The following GRM8 variants were observed in gnomAD, a reference collection of about 807,000 sequenced individuals.
GRM8 encodes metabotropic glutamate receptor 8.
In GRM8, 47 loss-of-function variants were observed where a neutral mutation model predicts 87.2. The ratio of observed to expected loss-of-function variants is 0.54; its 90% CI spans 0.43 to 0.69. The LOEUF (loss-of-function observed/expected upper bound fraction) is 0.69, where lower values mean the gene tolerates loss of function less well. Among genes scored for constraint, GRM8 ranks in the 30% least tolerant of loss-of-function variants. The pLI, the probability that GRM8 is intolerant of heterozygous loss-of-function variation, is 0.00. For missense variants in GRM8, 1,019 were observed against 1,139.2 expected (o/e 0.89, Z 1.52); for synonymous variants, 396 against 404.5 (o/e 0.98, Z 0.25).
chr7:126,532,385 C>T (rs1470886605), intron 9 of GRM8, among the ~76,000 whole-genome samples: 1 of 152,138 alleles, frequency 6.6e-6, no homozygotes, highest in Non-Finnish European at 1.5e-5. Flanking sequence ...CTGAACGAAG[C>T]CATTCAGTTT....
At chr7:126,918,873 T>A (rs750163734) in intron 3 of GRM8, among the ~76,000 whole-genome samples, 8 of 152,122 alleles carry the variant, frequency 5.3e-5, no homozygotes, top group Non-Finnish European at 7.3e-5. Context: ...AATCCCAACA[T>A]CACCCAAGCA....
intron 3 of GRM8, among the ~76,000 whole-genome samples, chr7:127,003,127 C>T (rs1813891784): frequency 6.6e-6 from 1 of 151,666 alleles, no homozygotes; most frequent in South Asian, 2.1e-4. Flanking sequence ...TAGATAACAA[C>T]CAAATACATA....
At chr7:127,058,907 C>T (rs1395553506) in intron 3 of GRM8, among the ~76,000 whole-genome samples, 1 of 152,240 alleles carries the variant, frequency 6.6e-6, no homozygotes, top group Non-Finnish European at 1.5e-5. Flanking sequence ...TTTGTGCAGA[C>T]TGTCAGTGTG....
intron 3 of GRM8, among the ~76,000 whole-genome samples, chr7:126,950,563 T>C (rs996211625): frequency 3.9e-5 from 6 of 152,084 alleles, no homozygotes; most frequent in African/African-American, 1.4e-4. Context: ...TTTTCAATTG[T>C]GTATATAAAC....
intron 6 of GRM8, among the ~76,000 whole-genome samples, chr7:126,861,617 G>A (rs915212962): frequency 6.6e-6 from 1 of 150,996 alleles, no homozygotes; most frequent in Non-Finnish European, 1.5e-5. Context: ...TTATGCCCTT[G>A]ATTTTTTTTT....
intron 6 of GRM8, among the ~76,000 whole-genome samples, chr7:126,871,652 T>C (rs1219704056): frequency 1.3e-5 from 2 of 152,212 alleles, no homozygotes; most frequent in Admixed American, 6.5e-5. Context: ...CTATGTGGTA[T>C]ACATAATGAA....
chr7:126,533,433 A>G lies in GRM8; in HGVS notation c.1949T>C (p.Phe650Ser), dbSNP rs1815167840. ...IAAPDTIICS[F>S]RRVFLGLGMC... is the part of the protein sequence containing the mutation. ...GCCAAGTCCTAGGAAGACCCGTCGG[A>G]AGGAGCATATGATTGTATCTGGTGC... The change falls in exon 9 of 11, where the codon TTC becomes TCC. Residue 650 changes from phenylalanine (F) to serine (S), a missense_variant. Coordinates refer to ENST00000339582, the MANE Select transcript of GRM8 (RefSeq NM_000845.3). 6.2e-7 allele frequency: 1 copy of G among 1,614,010 alleles called. No individual in the cohort carries two copies. The highest frequency in any genetic ancestry group is 8.5e-7 in the Non-Finnish European group (1 of 1,179,958).
chr7:126,953,378 A>T (rs893398297), intron 3 of GRM8, among the ~76,000 whole-genome samples: 2 of 152,136 alleles, frequency 1.3e-5, no homozygotes, highest in African/African-American at 4.8e-5. Flanking sequence ...ACAGAAAGAC[A>T]TCTTTCCCTC....
intron 3 of GRM8, among the ~76,000 whole-genome samples, chr7:127,045,906 C>A (rs938740223): frequency 1.3e-5 from 2 of 152,144 alleles, no homozygotes; most frequent in African/African-American, 4.8e-5. Flanking sequence ...TAGAATCTGT[C>A]AAATCTCTCA....
intron 3 of GRM8, among the ~76,000 whole-genome samples, chr7:126,976,498 G>GCAGGACAAT (rs1255964420): frequency 6.6e-6 from 1 of 152,118 alleles, no homozygotes; most frequent in Non-Finnish European, 1.5e-5. Flanking sequence ...GGAGGCTGAG[G>GCAGGACAAT]CAGGACAATC....
chr7:126,584,564 T>C (rs11974803), intron 8 of GRM8, among the ~76,000 whole-genome samples: 8,108 of 152,284 alleles, frequency 0.053, 699 homozygotes, highest in African/African-American at 0.19. Flanking sequence ...TCATTTAATT[T>C]TCTTTTCATG....
chr7:126,955,505 C>G (rs1401897428), intron 3 of GRM8, among the ~76,000 whole-genome samples: 1 of 152,160 alleles, frequency 6.6e-6, no homozygotes, highest in Non-Finnish European at 1.5e-5. Flanking sequence ...CCAGTTACGC[C>G]AGCAGTTTGC....
chr7:126,904,425 A>T (rs1401341389), intron 4 of GRM8, 123 bp downstream of exon 4: 1 of 944,736 alleles, frequency 1.1e-6, no homozygotes, highest in East Asian at 2.4e-5. Flanking sequence ...TCAGATTTAC[A>T]AACTAGAAGG....
chr7:127,161,296 T>C (rs1394097990), intron 2 of GRM8, among the ~76,000 whole-genome samples: 1 of 152,012 alleles, frequency 6.6e-6, no homozygotes, highest in African/African-American at 2.4e-5. Flanking sequence ...CATCAAGATT[T>C]AGAAAAAACA....
At chr7:126,848,864 G>A (rs1386510370) in intron 6 of GRM8, among the ~76,000 whole-genome samples, 1 of 152,044 alleles carries the variant, frequency 6.6e-6, no homozygotes, top group African/African-American at 2.4e-5. Flanking sequence ...CCCAAGACTG[G>A]GCAATTTACA....
chr7:126,573,356 G>C (rs1040106528), intron 8 of GRM8, among the ~76,000 whole-genome samples: 1 of 152,050 alleles, frequency 6.6e-6, no homozygotes, highest in African/African-American at 2.4e-5. Flanking sequence ...AGAAATAGTA[G>C]AGCAAAGTAT....
Position 126,818,174 on chromosome 7 carries a change from C to A in GRM8, c.1157-48109G>T, listed in dbSNP as rs553007647. Among the ~76,000 whole-genome samples, 3 of 151,952 alleles carry A rather than the reference C, an allele frequency of 2.0e-5. No homozygotes were observed. The South Asian group carries it at 6.2e-4, about 31-fold the overall frequency. ...TAAGAAAACTGTGACTCTTTAATAT[C>A]TTAATAGAACATATATTAGTCAAAT... On this transcript the variant is annotated intron_variant, in intron 6 of 10. Transcript: ENST00000339582.
At chr7:126,558,706 C>T (rs571499872) in intron 8 of GRM8, among the ~76,000 whole-genome samples, 1 of 152,138 alleles carries the variant, frequency 6.6e-6, no homozygotes, top group Non-Finnish European at 1.5e-5. Flanking sequence ...AGCACAGACA[C>T]AACCATTCCT....
intron 2 of GRM8, among the ~76,000 whole-genome samples, chr7:127,144,993 C>A: frequency 6.6e-6 from 1 of 152,054 alleles, no homozygotes; most frequent in Non-Finnish European, 1.5e-5. Flanking sequence ...AAAATATTTG[C>A]ATTAAGTCGA....
Sources: allele counts gnomAD v4.1 joint callset (sites outside exome capture counted in the v4.1 genomes callset), GRCh38; gene constraint gnomAD v4.1.1; transcripts MANE v1.5; gene names NCBI Gene and HGNC (gene_info 2026-07-23, HGNC 2026-07-21).